FBXO34: variants seen among roughly 807,000 people sequenced by gnomAD.
The protein encoded by FBXO34 is F-box only protein 34.
Under a neutral mutation model 24.5 loss-of-function variants are expected in FBXO34, and 12 were observed. The ratio of observed to expected loss-of-function variants is 0.49; its 90% CI spans 0.31 to 0.79. The LOEUF (loss-of-function observed/expected upper bound fraction) is 0.79, where lower values mean the gene tolerates loss of function less well. Among genes scored for constraint, FBXO34 ranks in the 30% least tolerant of loss-of-function variants. The pLI is 0.04. For synonymous variants in FBXO34, 320 were observed against 311.9 expected, an observed-to-expected ratio of 1.03 and a Z score of -0.27; for missense variants, 823 against 857.7, an observed-to-expected ratio of 0.96 and a Z score of 0.51.
the FBXO34 span, chr14:55,413,576 G>T: frequency 2.3e-6 from 1 of 442,570 alleles, no homozygotes; most frequent in South Asian, 2.0e-5. Flanking sequence ...AACTCATAGG[G>T]AATAGGTTCC....
intron 1 of FBXO34, among the ~76,000 whole-genome samples, chr14:55,326,710 A>T (rs1454645137): frequency 1.3e-5 from 2 of 152,228 alleles, no homozygotes; most frequent in African/African-American, 4.8e-5. Context: ...TGGATTAGTC[A>T]GATCTCTTGT....
chr14:55,369,596 T>C (rs1355481138), downstream of FBXO34: 1 of 1,466,548 alleles, frequency 6.8e-7, no homozygotes, highest in East Asian at 2.3e-5. Flanking sequence ...GATGCAGATT[T>C]GGTATGTTTT....
intron 1 of FBXO34, among the ~76,000 whole-genome samples, chr14:55,283,004 C>T (rs146539900): frequency 1.3e-5 from 2 of 152,320 alleles, no homozygotes; most frequent in Non-Finnish European, 2.9e-5. Flanking sequence ...GGATTATTCT[C>T]TGGAGGTTGT....
chr14:55,315,349 T>A (rs1333454051), intron 1 of FBXO34, among the ~76,000 whole-genome samples: 1 of 152,266 alleles, frequency 6.6e-6, no homozygotes, highest in Non-Finnish European at 1.5e-5. Flanking sequence ...CCTGAAGATG[T>A]GTTCCCATCT....
the FBXO34 span, chr14:55,438,698 C>T: frequency 6.6e-6 from 1 of 152,148 alleles, no homozygotes; most frequent in Non-Finnish European, 1.5e-5. Context: ...CAGGGTCTGC[C>T]TGTAGTGACT....
the FBXO34 span, chr14:55,413,770 G>T: frequency 3.1e-6 from 1 of 323,882 alleles, no homozygotes; most frequent in South Asian, 2.9e-5. Context: ...ACTGAGGTCA[G>T]GAGTTCAAGA....
At chr14:55,306,296 A>G (rs1882542540) in intron 1 of FBXO34, among the ~76,000 whole-genome samples, 1 of 152,228 alleles carries the variant, frequency 6.6e-6, no homozygotes, top group African/African-American at 2.4e-5. Context: ...ACCCACAACA[A>G]ACCACACATT....
At chr14:55,275,667 A>G (rs935885273) in intron 1 of FBXO34, among the ~76,000 whole-genome samples, 1 of 150,516 alleles carries the variant, frequency 6.6e-6, no homozygotes, top group Non-Finnish European at 1.5e-5. Flanking sequence ...AAAAAAAAAT[A>G]CAAAAAATTA....
At chr14:55,419,388 C>G in the FBXO34 span, among the ~76,000 whole-genome samples, 2 of 152,202 alleles carry the variant, frequency 1.3e-5, no homozygotes, top group African/African-American at 4.8e-5. Context: ...ATGATTATGC[C>G]TGATCTTAGA....
At chr14:55,397,508 G>C in the FBXO34 span, 12 of 1,169,316 alleles carry the variant, frequency 1.0e-5, no homozygotes, top group East Asian at 2.9e-4. Context: ...AAATTCCCAA[G>C]AACCAATCAT....
the FBXO34 span, among the ~76,000 whole-genome samples, chr14:55,393,332 C>T: frequency 6.6e-6 from 1 of 151,814 alleles, no homozygotes; most frequent in Non-Finnish European, 1.5e-5. Context: ...TTGCAGTGAG[C>T]CGAGATCGCG....
intron 1 of FBXO34, among the ~76,000 whole-genome samples, chr14:55,340,297 T>C (rs1284068135): frequency 6.6e-6 from 1 of 152,090 alleles, no homozygotes; most frequent in Admixed American, 6.6e-5. Context: ...CTAGCTGGAG[T>C]GCAGTGGCAT....
At chr14:55,345,039 G>C (rs1027094685) in intron 1 of FBXO34, among the ~76,000 whole-genome samples, 1 of 152,124 alleles carries the variant, frequency 6.6e-6, no homozygotes, top group Admixed American at 6.5e-5. Context: ...ACTCACTCCT[G>C]TAATCCCAAT....
chr14:55,395,977 A>T, the FBXO34 span: 1 of 1,588,836 alleles, frequency 6.3e-7, no homozygotes, highest in Admixed American at 1.8e-5. Flanking sequence ...CATAGCTTTT[A>T]ACACTCTGTG....
chr14:55,375,245 C>T, the FBXO34 span, among the ~76,000 whole-genome samples: 1 of 152,162 alleles, frequency 6.6e-6, no homozygotes, highest in Non-Finnish European at 1.5e-5. Flanking sequence ...GTTTTTGCTG[C>T]TACAGTAAAA....
intron 1 of FBXO34, among the ~76,000 whole-genome samples, chr14:55,339,928 G>T (rs1594760972): frequency 6.6e-6 from 1 of 152,182 alleles, no homozygotes; most frequent in South Asian, 2.1e-4. Flanking sequence ...CAGGACAGTG[G>T]TTTTGGCTTT....
At chr14:55,391,648 A>G in the FBXO34 span, among the ~76,000 whole-genome samples, 1 of 152,132 alleles carries the variant, frequency 6.6e-6, no homozygotes, top group Admixed American at 6.5e-5. Context: ...CAAAATCAAA[A>G]ATTCAGTTCC....
At chr14:55,390,847 T>G in the FBXO34 span, 6 of 1,157,376 alleles carry the variant, frequency 5.2e-6, no homozygotes, top group Non-Finnish European at 2.5e-6. Flanking sequence ...CTCTAGTTTA[T>G]TAATCCCATG....
downstream of FBXO34, among the ~76,000 whole-genome samples, chr14:55,357,806 A>T (rs76731332): frequency 3.5e-4 from 53 of 152,346 alleles, no homozygotes; most frequent in East Asian, 9.1e-3. Flanking sequence ...GTCTCAAAAA[A>T]TATGAAGATG....
Sources: allele counts gnomAD v4.1 joint callset (sites outside exome capture counted in the v4.1 genomes callset), GRCh38; gene constraint gnomAD v4.1.1; transcripts MANE v1.5; gene names NCBI Gene and HGNC (gene_info 2026-07-23, HGNC 2026-07-21).